TMEM170A: variants seen among roughly 807,000 people sequenced by gnomAD.
TMEM170A encodes transmembrane protein 170A.
A neutral mutation model predicts 12.8 loss-of-function variants in TMEM170A; 18 were observed. The ratio of observed to expected loss-of-function variants is 1.41; its 90% confidence interval spans 0.97 to 2.09. The LOEUF (loss-of-function observed/expected upper bound fraction) is 2.09, where lower values mean the gene tolerates loss of function less well. Among genes scored for constraint, TMEM170A ranks in the 30% most tolerant of loss-of-function variants. The probability of loss-of-function intolerance (pLI) is 0.00; values close to 1 mark genes in which losing one functional copy is unlikely to be tolerated. For synonymous variants in TMEM170A, 107 were observed against 76.2 expected, an observed-to-expected ratio of 1.40 and a Z score of -2.11; for missense variants, 220 against 179.9, an observed-to-expected ratio of 1.22 and a Z score of -1.28.
At chr16:75,450,713 G>A (rs2079666747) in intron 2 of TMEM170A, among the ~76,000 whole-genome samples, 1 of 152,030 alleles carries the variant, frequency 6.6e-6, no homozygotes, top group South Asian at 2.1e-4. Context: ...GGAGTGCTGT[G>A]GTGTGATCAC....
Position 75,464,659 on chromosome 16 carries a change from G to C in TMEM170A, c.-59C>G, listed in dbSNP as rs2079967409. 2.0e-6 allele frequency: 3 copies of C among 1,534,172 alleles called. No homozygotes were observed. In the South Asian group the frequency reaches 3.6e-5, roughly 18 times the overall value. ...GAGCGCCCGAAGTGCGGTAGCGGCCGGCGCCGACTCACCCTCGCCGCCTCA... is the reference window on the plus strand; with the variant it reads ...GAGCGCCCGAAGTGCGGTAGCGGCCCGCGCCGACTCACCCTCGCCGCCTCA... On this transcript the variant is annotated 5_prime_UTR_variant, in exon 1 of 3. Coordinates refer to ENST00000561878, the MANE Select transcript of TMEM170A (RefSeq NM_145254.3).
chr16:75,462,375 A>G (rs1347194471), intron 1 of TMEM170A, among the ~76,000 whole-genome samples: 5 of 152,036 alleles, frequency 3.3e-5, no homozygotes, highest in Non-Finnish European at 5.9e-5. Context: ...ACACACCACT[A>G]CGCCTGACTT....
intron 2 of TMEM170A, among the ~76,000 whole-genome samples, chr16:75,450,871 AG>A (rs2079669055): frequency 6.6e-6 from 1 of 152,182 alleles, no homozygotes; most frequent in African/African-American, 2.4e-5. Flanking sequence ...TATGTTGCTG[AG>A]GCTAGTCTCA....
intron 1 of TMEM170A, among the ~76,000 whole-genome samples, chr16:75,463,995 C>A (rs2079951586): frequency 1.3e-5 from 2 of 152,218 alleles, no homozygotes; most frequent in African/African-American, 4.8e-5. Context: ...CGAGCGCCTG[C>A]GCGGAGGGGC....
At chr16:75,447,728 C>G (rs201820370) in intron 2 of TMEM170A, 40 bp from the exon 3 acceptor site, 1 of 1,551,098 alleles carries the variant, frequency 6.4e-7, no homozygotes, top group African/African-American at 1.5e-5. Context: ...AAACAAAAAA[C>G]GAAGGTTAAC....
In TMEM170A at chr16:75,456,595, C is replaced by T. The variant is rs1358363241; in HGVS notation, c.134-4756G>A. Among the ~76,000 whole-genome samples, 4 of 152,148 alleles carry T rather than the reference C, an allele frequency of 2.6e-5. No homozygotes were observed. In the East Asian group the frequency reaches 7.7e-4, roughly 29 times the overall value. On this transcript the variant is annotated intron_variant, in intron 1 of 2. Coordinates refer to ENST00000561878, the MANE Select transcript of TMEM170A (RefSeq NM_145254.3). ...AGCCCCCACCTCTTCCACAACAAAC[C>T]CATATCCTCCTGCAGTTTCTCTTCT... is the stretch of plus-strand genomic sequence containing the variant.
chr16:75,455,305 C>T (rs1490186755), intron 1 of TMEM170A, among the ~76,000 whole-genome samples: 1 of 139,438 alleles, frequency 7.2e-6, no homozygotes, highest in Non-Finnish European at 1.5e-5. Flanking sequence ...TGCAGTGAGC[C>T]GAGATCACGC....
At chr16:75,457,382 T>G (rs1486319192) in intron 1 of TMEM170A, among the ~76,000 whole-genome samples, 1 of 152,180 alleles carries the variant, frequency 6.6e-6, no homozygotes, top group Non-Finnish European at 1.5e-5. Flanking sequence ...TATTCCTGTG[T>G]TAAACCCTAC....
At position 75,457,931 on chromosome 16, in the gene TMEM170A, AT is replaced by A. The variant is rs570942458; in HGVS notation, c.134-6093del. Among the ~76,000 whole-genome samples, 29 of 152,380 alleles carry A rather than the reference AT, an allele frequency of 1.9e-4. No homozygotes were observed. The South Asian group carries it at 5.6e-3, about 29-fold the overall frequency. On this transcript the variant is annotated intron_variant, in intron 1 of 2. Transcript: ENST00000561878. ...ATAGATGAGTAGAGGAGTACAGCTT[AT>A]AAAACACTTTCACATGAGGTTATTA...
At chr16:75,462,954 A>C (rs979574876) in intron 1 of TMEM170A, among the ~76,000 whole-genome samples, 6 of 152,176 alleles carry the variant, frequency 3.9e-5, no homozygotes, top group Admixed American at 1.3e-4. Context: ...AAGTGTTATG[A>C]CTTCTGCAAC....
chr16:75,453,546 T>C (rs1333130871), intron 1 of TMEM170A, among the ~76,000 whole-genome samples: 2 of 152,374 alleles, frequency 1.3e-5, no homozygotes, highest in African/African-American at 2.4e-5. Flanking sequence ...TGATCTTTCC[T>C]GACCTTTTGA....
intron 1 of TMEM170A, among the ~76,000 whole-genome samples, chr16:75,457,993 A>G (rs2079830136): frequency 2.0e-5 from 3 of 152,224 alleles, no homozygotes; most frequent in African/African-American, 4.8e-5. Context: ...CCTGAATCTA[A>G]AACGCTTTTT....
intron 1 of TMEM170A, chr16:75,458,881 T>C (rs1422074876): frequency 6.6e-6 from 1 of 152,200 alleles, no homozygotes; most frequent in African/African-American, 2.4e-5. Context: ...GGATATATTT[T>C]TACAGAGACA....
chr16:75,452,116 C>A (rs2079699858), intron 1 of TMEM170A, among the ~76,000 whole-genome samples: 1 of 151,858 alleles, frequency 6.6e-6, no homozygotes, highest in South Asian at 2.1e-4. Context: ...GGACTACAGG[C>A]ACCCGCCACC....
At chr16:75,455,734 G>A (rs148793797) in intron 1 of TMEM170A, among the ~76,000 whole-genome samples, 1,749 of 152,260 alleles carry the variant, frequency 0.011, 19 homozygotes, top group Non-Finnish European at 0.019. Flanking sequence ...GAACCCAGGA[G>A]GCAGAGGTCG....
At position 75,451,800 on chromosome 16, in the gene TMEM170A, G is replaced by C; in HGVS notation, c.173C>G (p.Ser58Cys). Reference sequence around the variant, plus strand: ...TCCAGCAGGGACATGAAAGAAGAGAGAAGACACCAGTGCCCACAGGAATAC... The same window carrying C: ...TCCAGCAGGGACATGAAAGAAGAGACAAGACACCAGTGCCCACAGGAATAC... ...YGVFLWALVS[S>C]LFFHVPAGLL... Residue 58 changes from serine (S) to cysteine (C), a missense_variant, in exon 2 of 3, where the codon TCT becomes TGT. Ser to Cys is a moderately radical substitution (Grantham distance 112). Transcript: ENST00000561878. 6.2e-7 allele frequency: 1 copy of C among 1,613,962 alleles called. No homozygotes were observed. The highest frequency in any genetic ancestry group is 1.3e-5 in the African/African-American group (1 of 75,016).
At chr16:75,453,428 T>C (rs1174849242) in intron 1 of TMEM170A, among the ~76,000 whole-genome samples, 1 of 151,988 alleles carries the variant, frequency 6.6e-6, no homozygotes, top group Non-Finnish European at 1.5e-5. Context: ...GGTGAGACGG[T>C]CTCAAAAAAC....
upstream of TMEM170A, chr16:75,464,714 C>G: frequency 7.2e-7 from 1 of 1,386,034 alleles, no homozygotes. Context: ...TCCTCTTCCC[C>G]CAATCCCAAC....
intron 1 of TMEM170A, among the ~76,000 whole-genome samples, chr16:75,462,583 G>A (rs2079927104): frequency 6.6e-6 from 1 of 152,222 alleles, no homozygotes; most frequent in Non-Finnish European, 1.5e-5. Context: ...GACCAAAAAT[G>A]TTTAATCTAA....
Sources: allele counts gnomAD v4.1 joint callset (sites outside exome capture counted in the v4.1 genomes callset), GRCh38; gene constraint gnomAD v4.1.1; transcripts MANE v1.5; gene names NCBI Gene and HGNC (gene_info 2026-07-23, HGNC 2026-07-21).